The following KIF6 variants were observed in gnomAD, a reference collection of about 807,000 sequenced individuals.
The protein encoded by KIF6 is kinesin-like protein KIF6.
KIF6 carries 106 observed loss-of-function variants against 112.7 expected under a neutral mutation model. The observed-to-expected ratio is 0.94, with a 90% CI of 0.80 to 1.11. KIF6 has a LOEUF of 1.11. KIF6 is among the 50% of genes least tolerant of loss of function. The pLI, the probability that KIF6 is intolerant of heterozygous loss-of-function variation, is 0.00. For synonymous variants in KIF6, 339 were observed against 339.9 expected, an observed-to-expected ratio of 1.00 and a Z score of 0.03; for missense variants, 929 against 964.0, an observed-to-expected ratio of 0.96 and a Z score of 0.48.
chr6:39,568,475 T>C (rs974642206), intron 10 of KIF6, among the ~76,000 whole-genome samples: 3 of 152,198 alleles, frequency 2.0e-5, no homozygotes, highest in African/African-American at 7.2e-5. Flanking sequence ...GTGTGGTTAA[T>C]ATCATTTGAA....
intron 21 of KIF6, among the ~76,000 whole-genome samples, chr6:39,345,352 C>CT (rs1328278204): frequency 6.6e-6 from 1 of 152,228 alleles, no homozygotes; most frequent in Admixed American, 6.5e-5. Context: ...GCAAATGCTG[C>CT]TGGGTCTTCA....
At chr6:39,559,463 A>G (rs1346517980) in intron 10 of KIF6, among the ~76,000 whole-genome samples, 1 of 152,140 alleles carries the variant, frequency 6.6e-6, no homozygotes, top group Non-Finnish European at 1.5e-5. Context: ...TGTCCCTAAA[A>G]TGACTATTTT....
At chr6:39,671,274 T>G (rs536121898) in intron 3 of KIF6, among the ~76,000 whole-genome samples, 1 of 152,314 alleles carries the variant, frequency 6.6e-6, no homozygotes, top group African/African-American at 2.4e-5. Context: ...GACTCAATAT[T>G]TGCAATGAAT....
Position 39,415,301 on chromosome 6 carries a change from T to TAAA in KIF6, c.1810+4644_1810+4646dup, listed in dbSNP as rs5875672. 6.7e-5 allele frequency among the ~76,000 whole-genome samples: 6 copies of TAAA among 89,456 alleles called. 1 individual carries two copies. Among genetic ancestry groups the TAAA allele is most frequent in the Non-Finnish European group, 8.7e-5 (4 of 46,154 alleles). The allele number at this position is 89,456 out of a possible 152,430, so 58.7% of individuals were successfully genotyped here. On this transcript the variant is annotated intron_variant, in intron 15 of 22. Transcript: ENST00000287152. ...CGCCAATACAGAGATTTTTAAAATG[T>TAAA]AAAAAAAAAAAAAAAAAAAAAAAAG...
intron 14 of KIF6, among the ~76,000 whole-genome samples, chr6:39,429,872 C>T (rs1034477662): frequency 2.0e-5 from 3 of 151,930 alleles, no homozygotes; most frequent in Admixed American, 1.3e-4. Flanking sequence ...CACACCACTG[C>T]ACTCCAGGCT....
chr6:39,724,314 G>T (rs1176152524), intron 1 of KIF6, among the ~76,000 whole-genome samples: 2 of 152,102 alleles, frequency 1.3e-5, no homozygotes, highest in African/African-American at 2.4e-5. Context: ...TTAACCGGGC[G>T]TGGTGGCGGG....
chr6:39,544,611 T>A lies in KIF6; in HGVS notation c.1370A>T (p.Lys457Ile). Residue 457 changes from lysine (K) to isoleucine (I), a missense_variant, in exon 12 of 23, where the codon AAA becomes ATA. Around this residue, in one of 2 missense-constraint regions of KIF6, gnomAD observed 688 missense variants for 662.7 expected, o/e 1.04. Transcript: ENST00000287152. ...TCGTAGCTTTCTATATTCTTCTTCT[T>A]TTAATGGTTCTTGACAATCTTGGTC... ...SKDQDCQEPL[K>I]EEEYRKLRDI... The A allele has an allele frequency of 6.2e-7, 1 of 1,612,530 alleles. No individual in the cohort carries two copies. Among genetic ancestry groups the A allele is most frequent in the Non-Finnish European group, 8.5e-7 (1 of 1,178,738 alleles).
chr6:39,561,723 T>A (rs1780019333), intron 10 of KIF6, among the ~76,000 whole-genome samples: 1 of 152,152 alleles, frequency 6.6e-6, no homozygotes, highest in Non-Finnish European at 1.5e-5. Flanking sequence ...GGAAACATGA[T>A]GCTTTGGAGG....
intron 16 of KIF6, among the ~76,000 whole-genome samples, chr6:39,372,474 G>A (rs1430423358): frequency 6.6e-6 from 1 of 152,290 alleles, no homozygotes; most frequent in East Asian, 1.9e-4. Context: ...ATTGAATTGG[G>A]ATTCACTTTT....
At position 39,527,519 on chromosome 6, in the gene KIF6, GA is replaced by G. The variant is rs538935791; in HGVS notation, c.1645+12483del. ...TTGGTGGTTCTCTTACAACCAAATG[GA>G]AAAAAAAAATCCCCTGGCTTGGCAT... On this transcript the variant is annotated intron_variant, in intron 13 of 22. Transcript: ENST00000287152. Among the ~76,000 whole-genome samples, 27 of 148,174 alleles carry G rather than the reference GA, an allele frequency of 1.8e-4. No homozygotes were observed. The South Asian group carries it at 2.1e-3, about 12-fold the overall frequency.
intron 13 of KIF6, among the ~76,000 whole-genome samples, chr6:39,513,813 T>C (rs1328992637): frequency 6.6e-6 from 1 of 152,208 alleles, no homozygotes; most frequent in Non-Finnish European, 1.5e-5. Context: ...TCTAGGATTC[T>C]GGTACTGGAA....
chr6:39,453,956 A>G (rs550022528), intron 13 of KIF6, among the ~76,000 whole-genome samples: 2 of 152,360 alleles, frequency 1.3e-5, no homozygotes, highest in South Asian at 4.1e-4. Context: ...TAAGTAATAT[A>G]ACCAACAATG....
chr6:39,548,175 A>C (rs1408977269), intron 10 of KIF6, among the ~76,000 whole-genome samples: 2 of 152,212 alleles, frequency 1.3e-5, no homozygotes, highest in African/African-American at 2.4e-5. Flanking sequence ...GAATAGTTTA[A>C]TCACAAGTAC....
intron 15 of KIF6, among the ~76,000 whole-genome samples, chr6:39,391,219 T>C (rs1473333189): frequency 6.6e-6 from 1 of 152,070 alleles, no homozygotes; most frequent in Non-Finnish European, 1.5e-5. Context: ...AAATGGTGAG[T>C]GGAGCTGAGG....
intron 15 of KIF6, among the ~76,000 whole-genome samples, chr6:39,387,454 C>T (rs752569306): frequency 2.2e-4 from 33 of 152,124 alleles, no homozygotes; most frequent in Admixed American, 3.9e-4. Context: ...ATGTCTGTGC[C>T]TTGGTTTCCA....
At chr6:39,583,354 T>C in intron 9 of KIF6, 1 of 469,806 alleles carries the variant, frequency 2.1e-6, no homozygotes, top group South Asian at 1.6e-5. Context: ...CTTTGCATGC[T>C]GTCTCCTCTC....
rs1306876211 is a variant in KIF6 at position 39,342,253 on chromosome 6, C to T, written c.2428+1456G>A. ...AAGTTATCTTCTCCAGCAAGGCCTC[C>T]CCAACCTACCCAGCTAAAAGCAGTC... On this transcript the variant is annotated intron_variant, in intron 22 of 22. Coordinates refer to ENST00000287152, the MANE Select transcript of KIF6 (RefSeq NM_145027.6). This position sits in a 1 kb window ranked among gnomAD's most constrained non-coding sequence, Gnocchi z 4.7. Among the ~76,000 whole-genome samples the T allele has an allele frequency of 2.0e-5, 3 of 152,348 alleles. No individual in the cohort carries two copies. The highest frequency in any genetic ancestry group is 2.9e-5 in the Non-Finnish European group (2 of 68,028).
At chr6:39,712,749 C>A (rs897440764) in intron 3 of KIF6, among the ~76,000 whole-genome samples, 1 of 151,970 alleles carries the variant, frequency 6.6e-6, no homozygotes, top group Non-Finnish European at 1.5e-5. Context: ...GGGAATTGAA[C>A]AATGAAAACA....
chr6:39,607,050 CTCTT>C (rs748743300), intron 6 of KIF6, among the ~76,000 whole-genome samples: 9 of 152,234 alleles, frequency 5.9e-5, no homozygotes, highest in Non-Finnish European at 1.0e-4. Flanking sequence ...TTTTTCTCCT[CTCTT>C]TCATTTTTTG....
Sources: allele counts gnomAD v4.1 joint callset (sites outside exome capture counted in the v4.1 genomes callset), GRCh38; gene constraint gnomAD v4.1.1; regional missense constraint gnomAD v4.1.1; non-coding constraint Gnocchi (gnomAD v3.1); transcripts MANE v1.5; gene names NCBI Gene and HGNC (gene_info 2026-07-23, HGNC 2026-07-21).